AHR: variants seen among roughly 807,000 people sequenced by gnomAD.
AHR encodes the protein AH-receptor.
In AHR, 40 loss-of-function variants were observed where a neutral mutation model predicts 86.8. The observed-to-expected ratio is 0.46, with a 90% CI of 0.36 to 0.60. The LOEUF (loss-of-function observed/expected upper bound fraction) is 0.60. AHR is among the 20% of genes least tolerant of loss of function. The pLI, the probability that AHR is intolerant of heterozygous loss-of-function variation, is 0.00. For missense variants in AHR, 1,001 were observed against 1,011.6 expected, an observed-to-expected ratio of 0.99 and a Z score of 0.14; for synonymous variants, 398 against 354.9, an observed-to-expected ratio of 1.12 and a Z score of -1.37.
rs1269400781 is a variant in AHR at position 17,327,830 on chromosome 7, T to C, written c.432T>C (p.Asp144=). ...LVFYASSTIQ[D]YLGFQQSDVI... ...TTTATGCTTCTTCTACTATACAAGA[T>C]TATCTAGGGTTTCAGCAGGTAAGTA... The change falls in exon 4 of 11, where the codon GAT becomes GAC. Residue 144 remains aspartate, a synonymous_variant. Transcript: ENST00000242057. The C allele has an allele frequency of 6.5e-6, 10 of 1,527,616 alleles. No individual in the cohort carries two copies. The highest frequency in any genetic ancestry group is 8.0e-6 in the Non-Finnish European group (9 of 1,122,674). 94.6% of individuals were successfully genotyped at this position (1,527,616 alleles called of 1,614,324 possible).
chr7:17,305,968 T>A (rs1221527057), intron 1 of AHR, among the ~76,000 whole-genome samples: 2 of 152,114 alleles, frequency 1.3e-5, no homozygotes, highest in Non-Finnish European at 2.9e-5. Context: ...TGGCATGCAG[T>A]CAGCTGGAGT....
chr7:17,303,090 T>C (rs889077599), intron 1 of AHR, among the ~76,000 whole-genome samples: 12 of 152,090 alleles, frequency 7.9e-5, no homozygotes, highest in Non-Finnish European at 1.6e-4. Flanking sequence ...CTTTCTACTT[T>C]TATGCTTCTT....
At position 17,339,076 on chromosome 7, in the gene AHR, C is replaced by G. The variant is rs747324612; in HGVS notation, c.1251C>G (p.Thr417=). ...GAGAAGCTGTGTTGTATGAGGCAAC[C>G]AACCCTTTTCCTGCCATAATGGATC... The part of the protein sequence containing the change: ...TTGEAVLYEA[T]NPFPAIMDPL... Residue 417 remains threonine, a synonymous_variant, in exon 10 of 11, where the codon ACC becomes ACG. Coordinates refer to ENST00000242057, the MANE Select transcript of AHR (RefSeq NM_001621.5). 6.2e-7 allele frequency: 1 copy of G among 1,614,032 alleles called. No homozygotes were observed. Among genetic ancestry groups the G allele is most frequent in the African/African-American group, 1.3e-5 (1 of 74,978 alleles).
At chr7:17,331,195 T>G (rs1782284911) in intron 6 of AHR, among the ~76,000 whole-genome samples, 1 of 151,912 alleles carries the variant, frequency 6.6e-6, no homozygotes, top group Non-Finnish European at 1.5e-5. Flanking sequence ...AGTTTAATTC[T>G]ACTGTTAGGC....
In AHR at chr7:17,343,973, G is replaced by A. The variant is rs567317602; in HGVS notation, c.*909G>A. On this transcript the variant is annotated 3_prime_UTR_variant, in exon 11 of 11. Coordinates refer to ENST00000242057, the MANE Select transcript of AHR (RefSeq NM_001621.5). ...AAATTCCTCAACAGTGTTTTCAGAAGAAATAAATATACCACTCTTTACCTT... is the reference window on the plus strand; with the variant it reads ...AAATTCCTCAACAGTGTTTTCAGAAAAAATAAATATACCACTCTTTACCTT... The A allele has an allele frequency of 2.6e-5, 4 of 152,650 alleles. No homozygotes were observed. The highest frequency in any genetic ancestry group is 2.1e-4 in the South Asian group (1 of 4,820). 9.5% of individuals were successfully genotyped at this position (152,650 alleles called of 1,614,324 possible). A position where few individuals can be genotyped will look rare whatever the true frequency, so the allele number is the denominator to read the frequency against.
Position 17,339,716 on chromosome 7 carries a change from G to T in AHR, c.1891G>T (p.Val631Leu). 6.2e-7 allele frequency: 1 copy of T among 1,614,182 alleles called. No individual in the cohort carries two copies. The highest frequency in any genetic ancestry group is 8.5e-7 in the Non-Finnish European group (1 of 1,180,030). Reference protein sequence around the residue: ...QQQQHHQKQVVVEPQQQLCQK... With the variant: ...QQQQHHQKQVLVEPQQQLCQK... ...ACAGCAACATCACCAAAAGCAAGTAGTAGTGGAGCCACAGCAACAGCTGTG... is the reference window on the plus strand; with the variant it reads ...ACAGCAACATCACCAAAAGCAAGTATTAGTGGAGCCACAGCAACAGCTGTG... Residue 631 changes from valine (V) to leucine (L), a missense_variant, in exon 10 of 11, where the codon GTA (valine) becomes TTA (leucine). Transcript: ENST00000242057.
chr7:17,313,752 A>G (rs906862561), intron 2 of AHR, among the ~76,000 whole-genome samples: 4 of 152,180 alleles, frequency 2.6e-5, no homozygotes, highest in Non-Finnish European at 4.4e-5. Context: ...ACATTTAAAT[A>G]TATTATCTCT....
chr7:17,320,024 C>T (rs1012464911), intron 2 of AHR, among the ~76,000 whole-genome samples: 63 of 152,196 alleles, frequency 4.1e-4, no homozygotes, highest in African/African-American at 1.4e-3. Flanking sequence ...AGTGATCATT[C>T]CGCCAAATGA....
intron 5 of AHR, 28 bp from the exon 6 acceptor site, chr7:17,330,728 A>G: frequency 6.6e-7 from 1 of 1,525,916 alleles, no homozygotes; most frequent in South Asian, 1.3e-5. Flanking sequence ...AATGGAAAGT[A>G]AATTTTGTTT....
At chr7:17,324,968 G>A (rs1782213324) in intron 3 of AHR, among the ~76,000 whole-genome samples, 1 of 152,036 alleles carries the variant, frequency 6.6e-6, no homozygotes, top group Non-Finnish European at 1.5e-5. Context: ...ATTTAATACT[G>A]TATTGTTAAA....
intron 3 of AHR, among the ~76,000 whole-genome samples, chr7:17,324,039 A>G (rs1782202711): frequency 6.6e-6 from 1 of 152,218 alleles, no homozygotes; most frequent in Non-Finnish European, 1.5e-5. Flanking sequence ...TTCCCAAAAC[A>G]TTTAGGCAAA....
In AHR at chr7:17,339,073, A is replaced by C. The variant is rs1782387085; in HGVS notation, c.1248A>C (p.Ala416=). The change falls in exon 10 of 11, where the codon GCA becomes GCC. Residue 416 remains alanine, a synonymous_variant. Transcript: ENST00000242057. ...FTTGEAVLYE[A]TNPFPAIMDP... is the part of the protein sequence containing the mutation. ...CTGGAGAAGCTGTGTTGTATGAGGC[A>C]ACCAACCCTTTTCCTGCCATAATGG... 6.2e-7 allele frequency: 1 copy of C among 1,614,066 alleles called. No homozygotes were observed.
chr7:17,299,058 A>G lies in AHR; in HGVS notation c.-207A>G. On this transcript the variant is annotated 5_prime_UTR_variant, in exon 1 of 11. Coordinates refer to ENST00000242057, the MANE Select transcript of AHR (RefSeq NM_001621.5). ...TCACTGCGCCAGGCCCAGGCAGCTC[A>G]CCTGTACTGGCGCGGGCTGCGGAAG... 1.9e-6 allele frequency: 1 copy of G among 532,030 alleles called. No individual in the cohort carries two copies. 33.0% of individuals were successfully genotyped at this position (532,030 alleles called of 1,614,324 possible).
At chr7:17,309,518 A>G (rs144933821) in intron 1 of AHR, among the ~76,000 whole-genome samples, 5 of 152,246 alleles carry the variant, frequency 3.3e-5, no homozygotes, top group African/African-American at 7.2e-5. Flanking sequence ...GACAACGTCA[A>G]TGATGCTGAG....
chr7:17,335,668 A>G lies in AHR; in HGVS notation c.1042A>G (p.Met348Val), dbSNP rs778953981. The change falls in exon 9 of 11, where the codon ATG becomes GTG. Residue 348 changes from methionine to valine, a missense_variant. Met to Val is a conservative substitution (Grantham distance 21). Coordinates refer to ENST00000242057, the MANE Select transcript of AHR (RefSeq NM_001621.5). ...IRMIKTGESGMIVFRLLTKNN... is the reference protein window; with the variant it reads ...IRMIKTGESGVIVFRLLTKNN... ...AGTGATTAAGACTGGAGAAAGTGGC[A>G]TGATAGTTTTCCGGCTTCTTACAAA... 2.2e-5 allele frequency: 34 copies of G among 1,580,740 alleles called. No homozygotes were observed. In the South Asian group the frequency reaches 2.8e-4, roughly 13 times the overall value.
intron 1 of AHR, among the ~76,000 whole-genome samples, chr7:17,300,309 T>C (rs909814939): frequency 6.6e-6 from 1 of 152,208 alleles, no homozygotes; most frequent in African/African-American, 2.4e-5. Context: ...TCTGAGTTAC[T>C]TTACCTACAT....
In AHR at chr7:17,329,983, T is replaced by C; in HGVS notation, c.482T>C (p.Leu161Pro). Residue 161 changes from leucine to proline, a missense_variant, in exon 5 of 11, where the codon CTT becomes CCT. Around this residue, in one of 2 missense-constraint regions of AHR, gnomAD observed 394 missense variants for 468.5 expected, o/e 0.84. Transcript: ENST00000242057. The part of the protein sequence containing the change: ...SDVIHQSVYE[L>P]IHTEDRAEFQ... ...GTCATACATCAGAGTGTATATGAAC[T>C]TATCCATACCGAAGACCGAGCTGAA... 6.2e-7 allele frequency: 1 copy of C among 1,611,038 alleles called. No individual in the cohort carries two copies. The highest frequency in any genetic ancestry group is 8.5e-7 in the Non-Finnish European group (1 of 1,177,852).
chr7:17,306,096 G>C (rs1227772073), intron 1 of AHR, among the ~76,000 whole-genome samples: 1 of 152,136 alleles, frequency 6.6e-6, no homozygotes, highest in Non-Finnish European at 1.5e-5. Flanking sequence ...GGAGATGTTT[G>C]AACTCCAGAG....
At position 17,327,819 on chromosome 7, in the gene AHR, A is replaced by T. The variant is rs143848352; in HGVS notation, c.421A>T (p.Thr141Ser). Residue 141 changes from threonine (T) to serine (S), a missense_variant, in exon 4 of 11, where the codon ACT (threonine) becomes TCT (serine). Coordinates refer to ENST00000242057, the MANE Select transcript of AHR (RefSeq NM_001621.5). ...TDALVFYASS[T>S]IQDYLGFQQS... ...TGCTTTGGTCTTTTATGCTTCTTCT[A>T]CTATACAAGATTATCTAGGGTTTCA... 7.6e-5 allele frequency: 119 copies of T among 1,566,454 alleles called. No individual in the cohort carries two copies. The highest frequency in any genetic ancestry group is 1.7e-4 in the Middle Eastern group (1 of 5,880).
Sources: gnomAD v4.1 joint callset for allele counts (sites outside exome capture counted in the v4.1 genomes callset) on GRCh38, gnomAD v4.1.1 for gene constraint, gnomAD v4.1.1 regional missense constraint, MANE v1.5 for transcripts, NCBI Gene and HGNC (gene_info 2026-07-23, HGNC 2026-07-21) for gene names.